Variants in SAMD12 observed in about 807,000 individuals in gnomAD.
The protein encoded by SAMD12 is sterile alpha motif domain containing 12.
SAMD12 carries 9 observed loss-of-function variants against 15.0 expected under a neutral mutation model. The ratio of observed to expected loss-of-function variants is 0.60; its 90% CI spans 0.36 to 1.05. The LOEUF (loss-of-function observed/expected upper bound fraction) is 1.05. SAMD12 is among the 50% of genes least tolerant of loss of function. The pLI is 0.01. For synonymous variants in SAMD12, 86 were observed against 90.1 expected, an observed-to-expected ratio of 0.96 and a Z score of 0.25; for missense variants, 230 against 234.2, an observed-to-expected ratio of 0.98 and a Z score of 0.12.
chr8:118,547,101 ATGGCAAATATTACAGAATCT>A (rs1371951063), intron 2 of SAMD12, among the ~76,000 whole-genome samples: 1 of 152,232 alleles, frequency 6.6e-6, no homozygotes, highest in East Asian at 1.9e-4. Context: ...AAACGCAGAG[ATGGCAAATATTACAGAATCT>A]AACCTGTGAA....
intron 2 of SAMD12, among the ~76,000 whole-genome samples, chr8:118,515,884 C>A (rs978288995): frequency 3.9e-5 from 6 of 152,364 alleles, no homozygotes; most frequent in Admixed American, 2.0e-4. Flanking sequence ...CAGTCCCCAG[C>A]CCTCTCTGCA....
intron 3 of SAMD12, among the ~76,000 whole-genome samples, chr8:118,415,984 G>C (rs1300889572): frequency 6.6e-6 from 1 of 152,072 alleles, no homozygotes; most frequent in Non-Finnish European, 1.5e-5. Flanking sequence ...TATCTAGCGT[G>C]GCTTTCCCCC....
intron 4 of SAMD12, among the ~76,000 whole-genome samples, chr8:118,229,384 C>T (rs1812258236): frequency 6.6e-6 from 1 of 152,018 alleles, no homozygotes; most frequent in African/African-American, 2.4e-5. Context: ...AGAAAGAAGA[C>T]TTAGGAAAAT....
At chr8:118,553,278 A>G (rs544333282) in intron 2 of SAMD12, among the ~76,000 whole-genome samples, 22 of 152,300 alleles carry the variant, frequency 1.4e-4, no homozygotes, top group African/African-American at 5.1e-4. Context: ...CTGACTTCAA[A>G]CTATACTACA....
At chr8:118,135,180 TTC>T in the SAMD12 span, among the ~76,000 whole-genome samples, 1 of 152,170 alleles carries the variant, frequency 6.6e-6, no homozygotes, top group Non-Finnish European at 1.5e-5. Flanking sequence ...CAGGTAGTGT[TTC>T]TTTTTTGTTT....
chr8:118,349,820 CT>C (rs1350386403), intron 4 of SAMD12, among the ~76,000 whole-genome samples: 5 of 152,178 alleles, frequency 3.3e-5, no homozygotes, highest in African/African-American at 1.2e-4. Flanking sequence ...GTACAGAGCA[CT>C]TTGTGGATAA....
chr8:118,464,662 T>C (rs547790967), intron 2 of SAMD12, among the ~76,000 whole-genome samples: 1 of 152,340 alleles, frequency 6.6e-6, no homozygotes, highest in African/African-American at 2.4e-5. Context: ...TTGGTTTATT[T>C]TGAGCAAACA....
At chr8:118,350,354 T>G (rs1817898447) in intron 4 of SAMD12, among the ~76,000 whole-genome samples, 1 of 152,182 alleles carries the variant, frequency 6.6e-6, no homozygotes, top group Non-Finnish European at 1.5e-5. Context: ...CATGCACCAG[T>G]GTATGTCAAT....
intron 2 of SAMD12, among the ~76,000 whole-genome samples, chr8:118,556,774 C>CCT: frequency 6.6e-6 from 1 of 151,830 alleles, no homozygotes; most frequent in South Asian, 2.1e-4. Context: ...ACCAGCCTGG[C>CCT]CAGCATGGTG....
chr8:118,332,812 C>T (rs1288043649), intron 4 of SAMD12, among the ~76,000 whole-genome samples: 2 of 152,232 alleles, frequency 1.3e-5, no homozygotes, highest in African/African-American at 4.8e-5. Flanking sequence ...CAAACAAGTC[C>T]ATTTCTTGAA....
chr8:118,301,225 T>C lies in SAMD12; in HGVS notation c.433+78335A>G, dbSNP rs1047254615. ...AGGTGGTGGGGTCACTAGATGTGAA[T>C]AACTAGCAAGCTGTAGTCAACATGG... On this transcript the variant is annotated intron_variant, in intron 4 of 4. Coordinates refer to the SAMD12 transcript ENST00000409003. Among the ~76,000 whole-genome samples, 5 of 152,168 alleles carry C rather than the reference T, an allele frequency of 3.3e-5. No individual in the cohort carries two copies. In the South Asian group the frequency reaches 1.0e-3, roughly 31 times the overall value.
At chr8:118,584,088 A>G (rs1421331885) in intron 1 of SAMD12, among the ~76,000 whole-genome samples, 1 of 152,238 alleles carries the variant, frequency 6.6e-6, no homozygotes, top group Non-Finnish European at 1.5e-5. Flanking sequence ...AATGTAAGGT[A>G]TCTATAAACA....
intron 2 of SAMD12, among the ~76,000 whole-genome samples, chr8:118,498,094 A>T (rs1330506961): frequency 6.6e-6 from 1 of 152,224 alleles, no homozygotes; most frequent in Non-Finnish European, 1.5e-5. Flanking sequence ...GGCATGTGTT[A>T]TATCAGGATA....
At chr8:118,347,302 G>T (rs972677350) in intron 4 of SAMD12, among the ~76,000 whole-genome samples, 1 of 152,188 alleles carries the variant, frequency 6.6e-6, no homozygotes, top group African/African-American at 2.4e-5. Flanking sequence ...AGGAAAGCAG[G>T]TGTTCAGCAT....
intron 4 of SAMD12, among the ~76,000 whole-genome samples, chr8:118,321,149 AT>A (rs1563761491): frequency 0.018 from 224 of 12,540 alleles, 6 homozygotes; most frequent in Middle Eastern, 0.12. Context: ...TAATAAATAT[AT>A]ATATATATAT....
intron 3 of SAMD12, among the ~76,000 whole-genome samples, chr8:118,427,267 G>C (rs908105534): frequency 6.6e-6 from 1 of 151,988 alleles, no homozygotes; most frequent in African/African-American, 2.4e-5. Context: ...AGGATAACAC[G>C]TTCATCTTTT....
chr8:118,139,608 T>G, the SAMD12 span, among the ~76,000 whole-genome samples: 50 of 152,312 alleles, frequency 3.3e-4, 1 homozygote, highest in African/African-American at 1.1e-3. Context: ...TCTTCCTGAC[T>G]CAGCCTCCCA....
At chr8:118,497,753 A>C in intron 2 of SAMD12, among the ~76,000 whole-genome samples, 4 of 151,650 alleles carry the variant, frequency 2.6e-5, no homozygotes, top group African/African-American at 9.7e-5. Context: ...GAAAAAAAAA[A>C]AAGAACAGCA....
chr8:118,304,531 GGGTGGATCATGA>G (rs1563748736), intron 4 of SAMD12, among the ~76,000 whole-genome samples: 1 of 152,026 alleles, frequency 6.6e-6, no homozygotes, highest in Non-Finnish European at 1.5e-5. Flanking sequence ...AGGCTGAGCC[GGGTGGATCATGA>G]GGTCAGGAGA....
Sources: allele counts gnomAD v4.1 joint callset (sites outside exome capture counted in the v4.1 genomes callset), GRCh38; gene constraint gnomAD v4.1.1; transcripts MANE v1.5; gene names NCBI Gene and HGNC (gene_info 2026-07-23, HGNC 2026-07-21).